Variants in SH3YL1 observed in about 807,000 individuals in gnomAD.
SH3YL1 encodes the protein SH3 and SYLF domain containing 1.
Under a neutral mutation model 45.8 loss-of-function variants are expected in SH3YL1, and 41 were observed. That is an observed-to-expected ratio of 0.89 (90% CI 0.70 to 1.16). The LOEUF (loss-of-function observed/expected upper bound fraction) is 1.16. Among genes scored for constraint, SH3YL1 ranks in the 50% most tolerant of loss-of-function variants. The pLI is 0.00. For synonymous variants in SH3YL1, 152 were observed against 151.4 expected, an observed-to-expected ratio of 1.00 and a Z score of -0.03; for missense variants, 389 against 409.6, an observed-to-expected ratio of 0.95 and a Z score of 0.43.
chr2:250,142 C>A lies in SH3YL1; in HGVS notation c.113-298G>T, dbSNP rs951323626. On this transcript the variant is annotated intron_variant, in intron 2 of 9. Transcript: ENST00000356150. ...AAGAGATTTTATTGCTATCTATTAGCAGGGCAAATATTTTGGCAATTTCAA... is the reference window on the plus strand; with the variant it reads ...AAGAGATTTTATTGCTATCTATTAGAAGGGCAAATATTTTGGCAATTTCAA... Among the ~76,000 whole-genome samples, 4 of 151,740 alleles carry A rather than the reference C, an allele frequency of 2.6e-5. No individual in the cohort carries two copies. In the East Asian group the frequency reaches 7.7e-4, roughly 29 times the overall value.
chr2:235,267 C>G (rs1668236473), intron 4 of SH3YL1, among the ~76,000 whole-genome samples: 1 of 152,250 alleles, frequency 6.6e-6, no homozygotes, highest in Non-Finnish European at 1.5e-5. Context: ...ATTTGTTACT[C>G]AAATTAATCA....
intron 4 of SH3YL1, among the ~76,000 whole-genome samples, chr2:238,258 C>CG (rs1419969134): frequency 1.7e-4 from 21 of 122,560 alleles, no homozygotes; most frequent in African/African-American, 6.2e-4. Flanking sequence ...TTCCTCCCTC[C>CG]TTGTGTGTGT....
intron 4 of SH3YL1, among the ~76,000 whole-genome samples, chr2:242,366 A>C (rs1330966940): frequency 6.6e-6 from 1 of 152,090 alleles, no homozygotes; most frequent in Non-Finnish European, 1.5e-5. Context: ...AATATGTATA[A>C]CAGTAATAGC....
chr2:245,300 T>C (rs572798452), intron 4 of SH3YL1, among the ~76,000 whole-genome samples: 2 of 152,342 alleles, frequency 1.3e-5, no homozygotes, highest in East Asian at 3.9e-4. Context: ...TATCTCTGTT[T>C]GAAATTGACA....
upstream of SH3YL1, chr2:264,147 C>T (rs1226522313): frequency 9.3e-7 from 1 of 1,072,120 alleles, no homozygotes; most frequent in South Asian, 2.1e-5. Context: ...GGGACAAAAA[C>T]CACGCGCCCG....
At chr2:245,292 T>C (rs1668747222) in intron 4 of SH3YL1, among the ~76,000 whole-genome samples, 1 of 151,812 alleles carries the variant, frequency 6.6e-6, no homozygotes, top group African/African-American at 2.4e-5. Flanking sequence ...ATGCTTCTTA[T>C]CTCTGTTTGA....
chr2:243,439 A>G lies in SH3YL1; in HGVS notation c.291+4099T>C, dbSNP rs1390048213. ...CACTCTTAAATAACAAATGGCTCAA[A>G]GAAGAAATCACATGAGAAATTAGAT... is the stretch of plus-strand genomic sequence containing the variant. On this transcript the variant is annotated intron_variant, in intron 4 of 9. Coordinates refer to ENST00000356150, the MANE Select transcript of SH3YL1 (RefSeq NM_015677.4). 2.1e-6 allele frequency: 3 copies of G among 1,434,472 alleles called. No individual in the cohort carries two copies. In the African/African-American group the frequency reaches 4.4e-5, roughly 21 times the overall value. 88.9% of individuals were successfully genotyped at this position (1,434,472 alleles called of 1,614,324 possible).
chr2:249,303 T>G (rs966909177), intron 3 of SH3YL1, among the ~76,000 whole-genome samples: 16 of 152,218 alleles, frequency 1.1e-4, no homozygotes. Context: ...TCACAGTTTT[T>G]ATGATCTACC....
intron 1 of SH3YL1, among the ~76,000 whole-genome samples, chr2:255,689 T>C (rs1049133998): frequency 6.6e-6 from 1 of 152,210 alleles, no homozygotes; most frequent in African/African-American, 2.4e-5. Flanking sequence ...TATCAGTTCT[T>C]TGTGGCTCAA....
Position 233,175 on chromosome 2 carries a change from G to A in SH3YL1, c.459C>T (p.Cys153=). The A allele has an allele frequency of 1.9e-6, 3 of 1,595,666 alleles. No individual in the cohort carries two copies. Among genetic ancestry groups the A allele is most frequent in the Non-Finnish European group, 2.6e-6 (3 of 1,169,422 alleles). ...CGCCTGCAAAGAGTCCCCTTGACTT[G>A]CAGTACGTGAAGACGGCAGCGGAGC... ...LRSSAAVFTY[C]KSRGLFAGVS... The change falls in exon 6 of 10, where the codon TGC becomes TGT. Residue 153 remains cysteine, a synonymous_variant. Coordinates refer to ENST00000356150, the MANE Select transcript of SH3YL1 (RefSeq NM_015677.4).
At chr2:246,524 T>C (rs1350109891) in intron 4 of SH3YL1, among the ~76,000 whole-genome samples, 2 of 150,468 alleles carry the variant, frequency 1.3e-5, no homozygotes, top group Non-Finnish European at 2.9e-5. Flanking sequence ...TAGCACAGTT[T>C]AGCAGCATGA....
intron 4 of SH3YL1, among the ~76,000 whole-genome samples, chr2:236,481 C>A (rs572883422): frequency 1.3e-5 from 2 of 152,180 alleles, no homozygotes; most frequent in African/African-American, 4.8e-5. Context: ...TGGCATGGGG[C>A]TAAGAATTTG....
chr2:255,459 G>A (rs1283572495), intron 1 of SH3YL1, among the ~76,000 whole-genome samples: 1 of 152,128 alleles, frequency 6.6e-6, no homozygotes, highest in African/African-American at 2.4e-5. Flanking sequence ...AAATTAGCCA[G>A]TCATGGTCCT....
At chr2:225,921 A>C (rs186397656) in intron 8 of SH3YL1, among the ~76,000 whole-genome samples, 12 of 152,338 alleles carry the variant, frequency 7.9e-5, no homozygotes, top group Admixed American at 7.2e-4. Context: ...TTATATCTCA[A>C]AGTAATAAAT....
At chr2:221,743 AAG>A (rs1375288601) in intron 9 of SH3YL1, among the ~76,000 whole-genome samples, 15 of 152,306 alleles carry the variant, frequency 9.8e-5, no homozygotes, top group Admixed American at 8.5e-4. Flanking sequence ...GGAGGAGTAC[AAG>A]AGAGTCAGGA....
At chr2:247,332 C>T (rs1369495903) in intron 4 of SH3YL1, among the ~76,000 whole-genome samples, 1 of 152,122 alleles carries the variant, frequency 6.6e-6, no homozygotes, top group Non-Finnish European at 1.5e-5. Flanking sequence ...TGAAAGAAAT[C>T]CTACTACTAA....
intron 1 of SH3YL1, among the ~76,000 whole-genome samples, chr2:253,478 CAA>C (rs879576514): frequency 4.6e-5 from 7 of 152,276 alleles, no homozygotes; most frequent in Admixed American, 1.3e-4. Flanking sequence ...CGTTAGCTGC[CAA>C]AAGACACTCC....
intron 9 of SH3YL1, among the ~76,000 whole-genome samples, chr2:219,988 G>T (rs930187653): frequency 1.3e-5 from 2 of 151,920 alleles, no homozygotes; most frequent in African/African-American, 4.8e-5. Context: ...CAGTTAACAT[G>T]AATAAAGGAC....
At chr2:252,936 C>A (rs1197480551) in intron 2 of SH3YL1, 69 bp downstream of exon 2, 2 of 948,704 alleles carry the variant, frequency 2.1e-6, no homozygotes, top group Non-Finnish European at 1.6e-6. Context: ...AATGGAGTGT[C>A]GAACAATGCA....
Sources: allele counts gnomAD v4.1 joint callset (sites outside exome capture counted in the v4.1 genomes callset), GRCh38; gene constraint gnomAD v4.1.1; transcripts MANE v1.5; gene names NCBI Gene and HGNC (gene_info 2026-07-23, HGNC 2026-07-21).